The following COL15A1 variants were observed in gnomAD, a reference collection of about 807,000 sequenced individuals.
COL15A1 encodes collagen alpha-1(XV) chain.
A neutral mutation model predicts 165.9 loss-of-function variants in COL15A1; 111 were observed. The observed-to-expected ratio is 0.67, with a 90% CI of 0.57 to 0.78. The LOEUF is 0.78. COL15A1 is among the 30% of genes least tolerant of loss of function. The probability of loss-of-function intolerance (pLI) is 0.00; values close to 1 mark genes in which losing one functional copy is unlikely to be tolerated. For missense variants in COL15A1, 1,745 were observed against 1,789.7 expected, an observed-to-expected ratio of 0.98 and a Z score of 0.45; for synonymous variants, 659 against 674.8, an observed-to-expected ratio of 0.98 and a Z score of 0.36.
At chr9:99,019,194 T>C (rs534292587) in intron 11 of COL15A1, among the ~76,000 whole-genome samples, 1 of 152,122 alleles carries the variant, frequency 6.6e-6, no homozygotes, top group South Asian at 2.1e-4. Flanking sequence ...GTTTTTTTGT[T>C]TCTGTTTTTG....
intron 38 of COL15A1, 29 bp downstream of exon 38, chr9:99,062,333 T>C: frequency 6.6e-7 from 1 of 1,522,246 alleles, no homozygotes; most frequent in Non-Finnish European, 9.1e-7. Flanking sequence ...GGACTGCTCA[T>C]GCATTCATTT....
Position 99,026,014 on chromosome 9 carries a change from A to G in COL15A1, c.2043+48A>G, listed in dbSNP as rs770868261. The G allele has an allele frequency of 6.5e-6, 10 of 1,550,326 alleles. No homozygotes were observed. The East Asian group carries it at 2.3e-4, about 35-fold the overall frequency. The stretch of plus-strand genomic sequence containing the variant: ...CCACCACATGGGAGCCACCAGGCCC[A>G]CACTACTCTCTCTGACCCCTAAACC... On this transcript the variant is annotated intron_variant, in intron 16 of 41. Transcript: ENST00000375001.
intron 2 of COL15A1, among the ~76,000 whole-genome samples, chr9:98,972,543 A>C (rs781180152): frequency 1.1e-4 from 16 of 152,242 alleles, no homozygotes; most frequent in Non-Finnish European, 1.9e-4. Context: ...CATCCATCTC[A>C]GAAAGAATCA....
intron 39 of COL15A1, among the ~76,000 whole-genome samples, chr9:99,065,977 C>T (rs1825885351): frequency 6.6e-6 from 1 of 151,838 alleles, no homozygotes; most frequent in Non-Finnish European, 1.5e-5. Context: ...CTGGCCGCCT[C>T]CTGCCCCACC....
chr9:98,953,036 G>A (rs1467132931), intron 2 of COL15A1, among the ~76,000 whole-genome samples: 1 of 152,200 alleles, frequency 6.6e-6, no homozygotes, highest in Admixed American at 6.5e-5. Flanking sequence ...CATAATTTCT[G>A]CATGGTATGA....
intron 2 of COL15A1, among the ~76,000 whole-genome samples, chr9:98,953,267 A>T (rs913989670): frequency 6.6e-6 from 1 of 152,204 alleles, no homozygotes; most frequent in Non-Finnish European, 1.5e-5. Context: ...GGGAGGAGCC[A>T]GGTTTGCTGA....
intron 11 of COL15A1, among the ~76,000 whole-genome samples, chr9:99,019,292 C>G (rs1838987953): frequency 6.6e-6 from 1 of 152,178 alleles, no homozygotes; most frequent in Non-Finnish European, 1.5e-5. Context: ...CTCTTAGGCT[C>G]AAGCGATTCT....
intron 35 of COL15A1, among the ~76,000 whole-genome samples, chr9:99,056,927 C>T (rs1309252484): frequency 6.6e-6 from 1 of 152,214 alleles, no homozygotes; most frequent in Non-Finnish European, 1.5e-5. Flanking sequence ...ATAGGATATA[C>T]ATTTTGTTTA....
chr9:99,025,788 G>T, intron 15 of COL15A1, 116 bp from the exon 16 acceptor site: 1 of 1,053,978 alleles, frequency 9.5e-7, no homozygotes, highest in Non-Finnish European at 1.4e-6. Flanking sequence ...CCTGACATGA[G>T]GCCCTGGGCC....
In COL15A1 at chr9:99,057,095, A is replaced by G. The variant is rs868315424; in HGVS notation, c.3337+691A>G. Among the ~76,000 whole-genome samples the G allele has an allele frequency of 5.3e-4, 80 of 152,230 alleles. 1 individual carries two copies. The Middle Eastern group carries it at 0.014, about 26-fold the overall frequency. ...AATTGCTGGGTCATATGGTAACTCT[A>G]TGTTTAACTTTTTGAGGAACTGCCA... On this transcript the variant is annotated intron_variant, in intron 35 of 41. Transcript: ENST00000375001.
chr9:99,066,597 C>CTTTTTTTTT (rs1825894667), intron 39 of COL15A1, among the ~76,000 whole-genome samples: 3 of 65,112 alleles, frequency 4.6e-5, no homozygotes, highest in Non-Finnish European at 3.0e-5. Context: ...ATATTTTGTT[C>CTTTTTTTTT]TGTTTTTTTT....
At chr9:98,968,230 G>T (rs181866667) in intron 2 of COL15A1, among the ~76,000 whole-genome samples, 111 of 152,344 alleles carry the variant, frequency 7.3e-4, no homozygotes, top group African/African-American at 2.6e-3. Flanking sequence ...TTGCAATCGT[G>T]CTTGGACACA....
At position 98,989,192 on chromosome 9, in the gene COL15A1, C is replaced by T. The variant is rs761870764; in HGVS notation, c.738C>T (p.Thr246=). The part of the protein sequence containing the change: ...DPEESSASGE[T]SGLQEADGVA... ...TCTCCACACAGGCATCTGGAGAGAC[C>T]AGTGGGCTGCAGGAGGCAGACGGAG... The change falls in exon 5 of 42, where the codon ACC becomes ACT. Residue 246 remains threonine, a synonymous_variant. Coordinates refer to ENST00000375001, the MANE Select transcript of COL15A1 (RefSeq NM_001855.5). 6.2e-7 allele frequency: 1 copy of T among 1,614,114 alleles called. No individual in the cohort carries two copies. Among genetic ancestry groups the T allele is most frequent in the African/African-American group, 1.3e-5 (1 of 75,052 alleles).
At chr9:98,989,064 A>T (rs1838370109) in intron 4 of COL15A1, 114 bp from the exon 5 acceptor site, 2 of 726,078 alleles carry the variant, frequency 2.8e-6, no homozygotes, top group African/African-American at 3.5e-5. Context: ...ACACACACAC[A>T]CGGTTTCCCT....
intron 2 of COL15A1, among the ~76,000 whole-genome samples, chr9:98,972,318 ACT>A (rs1439802906): frequency 1.3e-5 from 2 of 151,754 alleles, no homozygotes; most frequent in African/African-American, 2.4e-5. Context: ...ACCCTGAAAG[ACT>A]CTGATTCCAT....
intron 16 of COL15A1, among the ~76,000 whole-genome samples, chr9:99,034,282 C>T (rs1263003619): frequency 6.6e-6 from 1 of 152,196 alleles, no homozygotes; most frequent in Non-Finnish European, 1.5e-5. Context: ...TGATCTCTCC[C>T]TCATTAATCT....
chr9:98,972,062 C>T (rs1838066118), intron 2 of COL15A1, among the ~76,000 whole-genome samples: 1 of 152,308 alleles, frequency 6.6e-6, no homozygotes, highest in African/African-American at 2.4e-5. Context: ...GCTCACTACA[C>T]ACCAGGCCCT....
At chr9:98,992,844 T>C (rs1838467702) in intron 5 of COL15A1, among the ~76,000 whole-genome samples, 3 of 152,066 alleles carry the variant, frequency 2.0e-5, no homozygotes, top group African/African-American at 4.8e-5. Flanking sequence ...CCCAGGACCA[T>C]GGCACTGCAG....
Position 99,034,559 on chromosome 9 carries a change from G to A in COL15A1, c.2054G>A (p.Gly685Glu). ...TTTTGTTTTTTTCAGGGAGCAAGAG[G>A]GCCTAATGGCTCAGTTGGTGAAAAG... is the stretch of plus-strand genomic sequence containing the variant. ...PGMKGEKGAR[G>E]PNGSVGEKGD... Residue 685 changes from glycine to glutamate, a missense_variant, in exon 17 of 42, where the codon GGG becomes GAG. Coordinates refer to ENST00000375001, the MANE Select transcript of COL15A1 (RefSeq NM_001855.5). The A allele has an allele frequency of 3.9e-6, 6 of 1,536,692 alleles. No individual in the cohort carries two copies. Among genetic ancestry groups the A allele is most frequent in the Non-Finnish European group, 5.2e-6 (6 of 1,148,620 alleles).
Sources: allele counts gnomAD v4.1 joint callset (sites outside exome capture counted in the v4.1 genomes callset), GRCh38; gene constraint gnomAD v4.1.1; transcripts MANE v1.5; gene names NCBI Gene and HGNC (gene_info 2026-07-23, HGNC 2026-07-21).